Variants in FRK observed in about 807,000 individuals in gnomAD.
FRK encodes fyn related Src family tyrosine kinase, also known as tyrosine-protein kinase FRK.
In FRK, 51 loss-of-function variants were observed where a neutral mutation model predicts 56.4. The observed-to-expected ratio is 0.90, with a 90% CI of 0.72 to 1.14. The LOEUF (loss-of-function observed/expected upper bound fraction) is 1.14. FRK is among the 50% of genes most tolerant of loss of function. FRK has a pLI of 0.00. For synonymous variants in FRK, 245 were observed against 217.9 expected (o/e 1.12, Z -1.10); for missense variants, 570 against 601.4 (o/e 0.95, Z 0.55).
At chr6:116,023,924 T>C (rs1185135090) in intron 1 of FRK, among the ~76,000 whole-genome samples, 1 of 152,024 alleles carries the variant, frequency 6.6e-6, no homozygotes, top group Non-Finnish European at 1.5e-5. Flanking sequence ...TTTAATTTTA[T>C]AGCCCTAACA....
chr6:116,032,857 A>C (rs1776348437), intron 1 of FRK, among the ~76,000 whole-genome samples: 1 of 152,142 alleles, frequency 6.6e-6, no homozygotes, highest in Non-Finnish European at 1.5e-5. Flanking sequence ...TCATTAAAAA[A>C]ATTCTTCTTT....
chr6:116,098,614 G>GTT, the FRK span, among the ~76,000 whole-genome samples: 1 of 152,130 alleles, frequency 6.6e-6, no homozygotes, highest in African/African-American at 2.4e-5. Flanking sequence ...ATGAATGAGT[G>GTT]GGGGACAAAA....
the FRK span, among the ~76,000 whole-genome samples, chr6:116,096,431 A>C: frequency 6.6e-6 from 1 of 152,192 alleles, no homozygotes; most frequent in Non-Finnish European, 1.5e-5. Context: ...TAAATGCACT[A>C]ATCAGCACTC....
chr6:116,100,394 T>C, the FRK span, among the ~76,000 whole-genome samples: 1 of 152,226 alleles, frequency 6.6e-6, no homozygotes, highest in African/African-American at 2.4e-5. Context: ...GAAAAGACCT[T>C]CCAAATTGTA....
the FRK span, among the ~76,000 whole-genome samples, chr6:116,096,810 C>T: frequency 4.3e-3 from 660 of 152,332 alleles, 7 homozygotes; most frequent in African/African-American, 0.015. Context: ...TTTGTTCTTT[C>T]GCTCTTCACA....
chr6:115,944,930 G>T (rs533239896), intron 5 of FRK, among the ~76,000 whole-genome samples: 1 of 151,574 alleles, frequency 6.6e-6, no homozygotes, highest in East Asian at 1.9e-4. Flanking sequence ...CTATGTGGGT[G>T]AACATAGCTC....
chr6:116,040,388 CAAAT>C (rs950675143), intron 1 of FRK, among the ~76,000 whole-genome samples: 8 of 151,992 alleles, frequency 5.3e-5, no homozygotes, highest in South Asian at 2.1e-4. Flanking sequence ...CTATAATACT[CAAAT>C]AAGTAAATCT....
At position 116,057,498 on chromosome 6, in the gene FRK, C is replaced by T. The variant is rs75483026; in HGVS notation, c.344+2470G>A. 3.6e-3 allele frequency among the ~76,000 whole-genome samples: 541 copies of T among 152,170 alleles called. 1 individual carries two copies. The highest frequency in any genetic ancestry group is 0.012 in the African/African-American group (514 of 41,510). On this transcript the variant is annotated intron_variant, in intron 1 of 7. Transcript: ENST00000606080. ...AGAGTATTGAAGCAATTTTGCCTTA[C>T]GGTGACAAGAAACTTCAGAAGTAAG...
chr6:116,022,503 A>C (rs1456243386), intron 1 of FRK, among the ~76,000 whole-genome samples: 5 of 152,156 alleles, frequency 3.3e-5, no homozygotes, highest in African/African-American at 4.8e-5. Context: ...GGTTATTTGA[A>C]AATCAGTTGT....
chr6:116,059,360 C>T (rs1777527657), intron 1 of FRK, among the ~76,000 whole-genome samples: 1 of 151,954 alleles, frequency 6.6e-6, no homozygotes, highest in Non-Finnish European at 1.5e-5. Context: ...ATAATAAAAA[C>T]CAAAAGATAT....
rs757996449 is a variant in FRK at position 115,968,746 on chromosome 6, C to T, written c.467-7G>A. The stretch of plus-strand genomic sequence containing the variant: ...ACAACTGCTCCATCTAAAACTGGAA[C>T]CCAAAATAATTCCTGTTAATAAACT... On this transcript the variant is annotated splice_region_variant and splice_polypyrimidine_tract_variant and intron_variant, in intron 2 of 7. Coordinates refer to ENST00000606080, the MANE Select transcript of FRK (RefSeq NM_002031.3). 3.7e-6 allele frequency: 6 copies of T among 1,607,722 alleles called. No individual in the cohort carries two copies. The highest frequency in any genetic ancestry group is 3.3e-5 in the South Asian group (3 of 89,578).
intron 2 of FRK, among the ~76,000 whole-genome samples, chr6:115,977,137 T>C (rs1181084962): frequency 6.6e-6 from 1 of 152,180 alleles, no homozygotes; most frequent in Non-Finnish European, 1.5e-5. Context: ...AAGATAGCTC[T>C]ACACCAATAA....
chr6:116,068,570 G>C, the FRK span, among the ~76,000 whole-genome samples: 2 of 152,102 alleles, frequency 1.3e-5, no homozygotes, highest in East Asian at 3.9e-4. Context: ...AGGTGTGTTG[G>C]CATGCCATGT....
At chr6:116,013,526 G>A (rs192084845) in intron 1 of FRK, among the ~76,000 whole-genome samples, 99 of 152,248 alleles carry the variant, frequency 6.5e-4, no homozygotes, top group African/African-American at 2.2e-3. Flanking sequence ...ATATGGATGG[G>A]TTAGAGTTGA....
At chr6:116,089,733 T>G in the FRK span, among the ~76,000 whole-genome samples, 1 of 152,202 alleles carries the variant, frequency 6.6e-6, no homozygotes, top group East Asian at 1.9e-4. Context: ...CCTTAAAGCC[T>G]CATGTTAACT....
At chr6:116,070,517 C>T in the FRK span, among the ~76,000 whole-genome samples, 1 of 152,098 alleles carries the variant, frequency 6.6e-6, no homozygotes, top group African/African-American at 2.4e-5. Flanking sequence ...ATCATATAAC[C>T]TGAACCATGG....
intron 4 of FRK, among the ~76,000 whole-genome samples, chr6:115,960,642 CCTGT>C (rs1431158940): frequency 3.1e-5 from 2 of 63,670 alleles, no homozygotes; most frequent in Admixed American, 3.7e-4. Context: ...CTTAAGTGTC[CCTGT>C]CTGACAGCTT....
chr6:116,046,635 G>A (rs977299870), intron 1 of FRK, among the ~76,000 whole-genome samples: 6 of 152,048 alleles, frequency 3.9e-5, no homozygotes, highest in Non-Finnish European at 7.4e-5. Flanking sequence ...CTGCAGGGGG[G>A]TAGGGGGCTA....
In FRK at chr6:116,025,093, G is replaced by A. The variant is rs1362186041; in HGVS notation, c.345-21095C>T. Among the ~76,000 whole-genome samples the A allele has an allele frequency of 4.6e-5, 7 of 152,052 alleles. 1 individual carries two copies. Among genetic ancestry groups the A allele is most frequent in the African/African-American group, 1.4e-4 (6 of 41,404 alleles). On this transcript the variant is annotated intron_variant, in intron 1 of 7. Transcript: ENST00000606080. ...TTTTAAAAAAGGTCTTCTGGAGAGA[G>A]GGCTTTAAAGCAAAGAATAGAAAGA...
Sources: gnomAD v4.1 joint callset for allele counts (sites outside exome capture counted in the v4.1 genomes callset) on GRCh38, gnomAD v4.1.1 for gene constraint, MANE v1.5 for transcripts, NCBI Gene and HGNC (gene_info 2026-07-23, HGNC 2026-07-21) for gene names.